Variants in PRSS12 observed in about 807,000 individuals in gnomAD.
The protein encoded by PRSS12 is serine protease 12, also known as neurotrypsin.
PRSS12 carries 85 observed loss-of-function variants against 104.4 expected under a neutral mutation model. The observed-to-expected ratio is 0.81, with a 90% confidence interval of 0.68 to 0.98. PRSS12 has a LOEUF of 0.98. PRSS12 is among the 50% of genes least tolerant of loss of function. The pLI is 0.00. For missense variants in PRSS12, 1,141 were observed against 1,139.2 expected, an observed-to-expected ratio of 1.00 and a Z score of -0.02; for synonymous variants, 454 against 425.2, an observed-to-expected ratio of 1.07 and a Z score of -0.83.
chr4:118,285,591 C>T (rs1159095909), intron 11 of PRSS12, among the ~76,000 whole-genome samples: 1 of 151,766 alleles, frequency 6.6e-6, no homozygotes, highest in East Asian at 1.9e-4. Flanking sequence ...TACTGCAGCA[C>T]TTGGAATATG....
intron 4 of PRSS12, among the ~76,000 whole-genome samples, chr4:118,323,854 A>C (rs530554195): frequency 1.8e-4 from 28 of 151,810 alleles, no homozygotes; most frequent in Non-Finnish European, 1.9e-4. Context: ...TTTCAGTTAC[A>C]GTTTACTTAT....
chr4:118,282,679 TAA>T (rs1349008942), intron 12 of PRSS12, 150 bp downstream of exon 12: 30 of 1,037,764 alleles, frequency 2.9e-5, no homozygotes, highest in Admixed American at 5.2e-5. Flanking sequence ...CTCCAGAATA[TAA>T]GTCTCAATTA....
At chr4:118,330,245 G>A (rs912982120) in intron 4 of PRSS12, among the ~76,000 whole-genome samples, 8 of 152,164 alleles carry the variant, frequency 5.3e-5, no homozygotes, top group Non-Finnish European at 2.9e-5. Context: ...CATTTGTGGG[G>A]AAAACTAGAG....
rs372253297 is a variant in PRSS12, at chr4:118,280,146, T to A, written c.*1790A>T. ...AAAAGCATGTTGTATGAACCATGTATTCTTAAGGATTGAGCAAACTGCAGG... is the reference window on the plus strand; with the variant it reads ...AAAAGCATGTTGTATGAACCATGTAATCTTAAGGATTGAGCAAACTGCAGG... On this transcript the variant is annotated 3_prime_UTR_variant, in exon 13 of 13. Coordinates refer to ENST00000296498, the MANE Select transcript of PRSS12 (RefSeq NM_003619.4). 4 of 152,174 alleles carry A rather than the reference T, an allele frequency of 2.6e-5. No individual in the cohort carries two copies. Among genetic ancestry groups the A allele is most frequent in the African/African-American group, 9.7e-5 (4 of 41,428 alleles). 9.4% of individuals were successfully genotyped at this position (152,174 alleles called of 1,614,324 possible).
At chr4:118,335,322 G>T in intron 3 of PRSS12, 151 bp downstream of exon 3, 1 of 821,468 alleles carries the variant, frequency 1.2e-6, no homozygotes, top group Non-Finnish European at 1.9e-6. Flanking sequence ...TCATATTGAA[G>T]ACTAATTAGA....
intron 7 of PRSS12, among the ~76,000 whole-genome samples, chr4:118,309,830 T>C (rs1201391607): frequency 6.6e-6 from 1 of 152,204 alleles, no homozygotes; most frequent in Admixed American, 6.5e-5. Flanking sequence ...TAAATCAACA[T>C]TGGTTAACTA....
Position 118,352,972 on chromosome 4 carries a change from G to C in PRSS12, c.-252C>G. The C allele has an allele frequency of 1.0e-6, 1 of 994,434 alleles. No individual in the cohort carries two copies. Among genetic ancestry groups the C allele is most frequent in the South Asian group, 2.0e-5 (1 of 50,592 alleles). 61.6% of individuals were successfully genotyped at this position (994,434 alleles called of 1,614,324 possible). A position where few individuals can be genotyped will look rare whatever the true frequency, so the allele number is the denominator to read the frequency against. ...GCTCAGCCGAGCCCCGGCCGGCGGA[G>C]AGGACCGGAAAAGAGAAGGCGCGGA... On this transcript the variant is annotated 5_prime_UTR_variant, in exon 1 of 13. Transcript: ENST00000296498.
At chr4:118,299,775 A>AC (rs1320694130) in intron 8 of PRSS12, among the ~76,000 whole-genome samples, 3 of 61,704 alleles carry the variant, frequency 4.9e-5, no homozygotes. Context: ...TAAATAAAAT[A>AC]AAATAAAATA....
At chr4:118,284,735 A>T (rs1361160935) in intron 11 of PRSS12, among the ~76,000 whole-genome samples, 1 of 151,704 alleles carries the variant, frequency 6.6e-6, no homozygotes, top group East Asian at 1.9e-4. Flanking sequence ...TACAACAATC[A>T]CTCGAAAAAC....
At chr4:118,315,093 A>T (rs1364758995) in intron 6 of PRSS12, among the ~76,000 whole-genome samples, 1 of 152,100 alleles carries the variant, frequency 6.6e-6, no homozygotes, top group Non-Finnish European at 1.5e-5. Flanking sequence ...TTATATGAAT[A>T]TTGTGTTTTC....
intron 1 of PRSS12, among the ~76,000 whole-genome samples, chr4:118,342,911 G>C (rs558802237): frequency 6.6e-6 from 1 of 152,294 alleles, no homozygotes; most frequent in Admixed American, 6.5e-5. Context: ...AAAGGTTCAT[G>C]TAACAGAAAT....
In PRSS12 at chr4:118,280,830, GT is replaced by G. The variant is rs1440803073; in HGVS notation, c.*1105del. On this transcript the variant is annotated 3_prime_UTR_variant, in exon 13 of 13. Transcript: ENST00000296498. Reference sequence around the variant, plus strand: ...GCATTTTTTCTGGAGTTTGGAATCAGTTTCACCAACTGGTCTCACTTTGAGG... The same window carrying G: ...GCATTTTTTCTGGAGTTTGGAATCAGTTCACCAACTGGTCTCACTTTGAGG... 1 of 152,214 alleles carries G rather than the reference GT, an allele frequency of 6.6e-6. No homozygotes were observed. The highest frequency in any genetic ancestry group is 1.5e-5 in the Non-Finnish European group (1 of 68,038). The allele number at this position is 152,214 out of a possible 1,614,324, so 9.4% of individuals were successfully genotyped here. A position where few individuals can be genotyped will look rare whatever the true frequency, so the allele number is the denominator to read the frequency against.
intron 6 of PRSS12, among the ~76,000 whole-genome samples, chr4:118,314,411 A>G (rs976237182): frequency 3.3e-5 from 5 of 152,082 alleles, no homozygotes; most frequent in Admixed American, 1.3e-4. Flanking sequence ...TCTTCCTTCT[A>G]TTTTGCTGAC....
rs751774563 is a variant in PRSS12, at chr4:118,282,886, T to C, written c.2265A>G (p.Arg755=). 22 of 1,614,092 alleles carry C rather than the reference T, an allele frequency of 1.4e-5. No homozygotes were observed. The highest frequency in any genetic ancestry group is 2.7e-5 in the African/African-American group (2 of 74,928). Residue 755 remains arginine, a synonymous_variant, in exon 12 of 13, where the codon AGA becomes AGG. Coordinates refer to ENST00000296498, the MANE Select transcript of PRSS12 (RefSeq NM_003619.4). ...HVLPACLPLW[R]ERPQKTASNC... is the part of the protein sequence containing the mutation. ...TGGATGCTGTTTTCTGTGGCCTCTC[T>C]CTCCAGAGTGGTAAACAGGCTGGCA...
intron 4 of PRSS12, among the ~76,000 whole-genome samples, chr4:118,328,400 G>A (rs1008728932): frequency 6.6e-6 from 1 of 152,184 alleles, no homozygotes; most frequent in Non-Finnish European, 1.5e-5. Context: ...TAGTGTTTGA[G>A]AAAGGCGTTA....
At chr4:118,352,143 G>T in intron 1 of PRSS12, 76 bp downstream of exon 1, 1 of 1,579,570 alleles carries the variant, frequency 6.3e-7, no homozygotes, top group Non-Finnish European at 8.6e-7. Context: ...TTTTCCAAGA[G>T]ACCTGTACGC....
chr4:118,346,000 T>A (rs1400466500), intron 1 of PRSS12, among the ~76,000 whole-genome samples: 1 of 152,194 alleles, frequency 6.6e-6, no homozygotes, highest in Non-Finnish European at 1.5e-5. Context: ...TGTGATCCAG[T>A]CTGGGCAAAT....
chr4:118,295,591 TAAGA>T (rs1743235114), intron 10 of PRSS12, among the ~76,000 whole-genome samples, 183 bp downstream of exon 10: 1 of 152,196 alleles, frequency 6.6e-6, no homozygotes, highest in Non-Finnish European at 1.5e-5. Context: ...CAGGCTGGTA[TAAGA>T]ACATGGTGTA....
At chr4:118,338,887 A>C (rs1167329374) in intron 1 of PRSS12, among the ~76,000 whole-genome samples, 1 of 152,210 alleles carries the variant, frequency 6.6e-6, no homozygotes, top group Non-Finnish European at 1.5e-5. Flanking sequence ...AGTCATTAAA[A>C]TTCTGAAGAT....
Sources: gnomAD v4.1 joint callset for allele counts (sites outside exome capture counted in the v4.1 genomes callset) on GRCh38, gnomAD v4.1.1 for gene constraint, MANE v1.5 for transcripts, NCBI Gene and HGNC (gene_info 2026-07-23, HGNC 2026-07-21) for gene names.